The following MCUB variants were observed in gnomAD, a reference collection of about 807,000 sequenced individuals.
MCUB encodes calcium uniporter regulatory subunit MCUb, mitochondrial.
In MCUB, 46 loss-of-function variants were observed where a neutral mutation model predicts 41.4. That is an observed-to-expected ratio of 1.11 (90% CI 0.88 to 1.42). MCUB has a LOEUF of 1.42. Among genes scored for constraint, MCUB ranks in the 40% most tolerant of loss-of-function variants. The pLI is 0.00. For synonymous variants in MCUB, 148 were observed against 148.2 expected (o/e 1.00, Z 0.01); for missense variants, 403 against 404.9 (o/e 1.00, Z 0.04).
At chr4:109,670,626 G>C (rs1729432912) in intron 4 of MCUB, among the ~76,000 whole-genome samples, 1 of 151,724 alleles carries the variant, frequency 6.6e-6, no homozygotes, top group African/African-American at 2.4e-5. Flanking sequence ...TGAGGCAGGA[G>C]AATCGCTTGA....
intron 1 of MCUB, among the ~76,000 whole-genome samples, chr4:109,567,254 C>T (rs1370939156): frequency 6.6e-6 from 1 of 151,470 alleles, no homozygotes; most frequent in Admixed American, 6.6e-5. Context: ...GATGAATTTG[C>T]TTATTTTCAA....
chr4:109,662,101 G>T (rs1313044246), intron 3 of MCUB, among the ~76,000 whole-genome samples: 1 of 152,198 alleles, frequency 6.6e-6, no homozygotes. Context: ...TGAGAGGTGG[G>T]GAAGGGCAGA....
At chr4:109,666,872 C>G (rs146375029) in intron 4 of MCUB, among the ~76,000 whole-genome samples, 1 of 152,052 alleles carries the variant, frequency 6.6e-6, no homozygotes, top group South Asian at 2.1e-4. Context: ...CTTCCTTAGT[C>G]TGTTGATATG....
intron 1 of MCUB, among the ~76,000 whole-genome samples, chr4:109,654,943 T>C (rs1225426343): frequency 1.3e-5 from 2 of 152,064 alleles, no homozygotes; most frequent in Non-Finnish European, 2.9e-5. Context: ...GGAGTTAACA[T>C]CAGATCCCAC....
At position 109,681,710 on chromosome 4, in the gene MCUB, G is replaced by A. The variant is rs182171803; in HGVS notation, c.452-872G>A. Among the ~76,000 whole-genome samples, 4 of 152,368 alleles carry A rather than the reference G, an allele frequency of 2.6e-5. 1 individual carries two copies. Among genetic ancestry groups the A allele is most frequent in the Admixed American group, 2.6e-4 (4 of 15,314 alleles). ...TGGCAAGCCTTTAGCCCGATCTGGA[G>A]CGGCAAAGGGGTGCCTCGCTGGATC... On this transcript the variant is annotated intron_variant, in intron 4 of 7. Transcript: ENST00000394650.
intron 1 of MCUB, among the ~76,000 whole-genome samples, chr4:109,617,265 A>C (rs1261698257): frequency 6.6e-6 from 1 of 152,160 alleles, no homozygotes; most frequent in Non-Finnish European, 1.5e-5. Context: ...GGCACTCTTC[A>C]CATTTTGATA....
chr4:109,565,641 T>C (rs186685466), intron 1 of MCUB, among the ~76,000 whole-genome samples: 27 of 152,300 alleles, frequency 1.8e-4, no homozygotes, highest in African/African-American at 6.3e-4. Context: ...GATAATGCTG[T>C]TTCGTTCATT....
intron 4 of MCUB, among the ~76,000 whole-genome samples, chr4:109,668,029 A>G (rs1179664892): frequency 2.0e-5 from 3 of 151,530 alleles, no homozygotes; most frequent in Non-Finnish European, 2.9e-5. Flanking sequence ...CTTTTTTTAC[A>G]TTTACTCATG....
rs538783958 is a variant in MCUB at position 109,656,567 on chromosome 4, G to C, written c.100-2444G>C. 3.3e-5 allele frequency among the ~76,000 whole-genome samples: 5 copies of C among 151,196 alleles called. No homozygotes were observed. The South Asian group carries it at 1.0e-3, about 32-fold the overall frequency. On this transcript the variant is annotated intron_variant, in intron 1 of 7. Coordinates refer to ENST00000394650, the MANE Select transcript of MCUB (RefSeq NM_017918.5). Reference sequence around the variant, plus strand: ...TTTTCTGTAATTTTTGTAGAGACAGGGTTTCACCATGTTACCTGGGCTCAA... The same window carrying C: ...TTTTCTGTAATTTTTGTAGAGACAGCGTTTCACCATGTTACCTGGGCTCAA...
intron 1 of MCUB, among the ~76,000 whole-genome samples, chr4:109,600,746 A>G (rs1006330108): frequency 1.3e-5 from 2 of 152,150 alleles, no homozygotes; most frequent in African/African-American, 4.8e-5. Flanking sequence ...AGAGGCCTCC[A>G]GCTCTCTATG....
intron 1 of MCUB, among the ~76,000 whole-genome samples, chr4:109,641,027 A>G (rs1427806782): frequency 6.6e-6 from 1 of 152,166 alleles, no homozygotes; most frequent in African/African-American, 2.4e-5. Context: ...CCTAATATCA[A>G]TATTGTCCTT....
At chr4:109,597,824 C>G (rs1015731906) in intron 1 of MCUB, among the ~76,000 whole-genome samples, 4 of 151,648 alleles carry the variant, frequency 2.6e-5, no homozygotes, top group Admixed American at 6.5e-5. Context: ...CAGAGGGGCT[C>G]CTCACTTCTC....
At chr4:109,644,718 CT>C (rs1180355113) in intron 1 of MCUB, among the ~76,000 whole-genome samples, 1 of 152,166 alleles carries the variant, frequency 6.6e-6, no homozygotes, top group African/African-American at 2.4e-5. Context: ...AGTTTATTTT[CT>C]ACGCATTGTA....
intron 1 of MCUB, among the ~76,000 whole-genome samples, chr4:109,572,184 G>A (rs1035242656): frequency 6.6e-6 from 1 of 152,344 alleles, no homozygotes; most frequent in Non-Finnish European, 1.5e-5. Flanking sequence ...ATTATAAGCC[G>A]CCCTCCAGGC....
chr4:109,588,182 G>C (rs2126128051), intron 1 of MCUB, among the ~76,000 whole-genome samples: 1 of 152,320 alleles, frequency 6.6e-6, no homozygotes, highest in East Asian at 1.9e-4. Context: ...GGGCAAGGTA[G>C]GATTGTGGCT....
rs1218285935 is a variant in MCUB at position 109,684,544 on chromosome 4, C to G, written c.714C>G (p.Leu238=). 1.9e-6 allele frequency: 3 copies of G among 1,611,758 alleles called. No homozygotes were observed. The African/African-American group carries it at 4.0e-5, about 22-fold the overall frequency. Residue 238 remains leucine, a synonymous_variant, in exon 6 of 8, where the codon CTC becomes CTG. Coordinates refer to ENST00000394650, the MANE Select transcript of MCUB (RefSeq NM_017918.5). ...TTCAGGGTGGGGCACTGGCCTGGCT[C>G]ACGTGGTGGGTGTACTCCTGGGATA... ...LSIQGGALAW[L]TWWVYSWDIM... is the part of the protein sequence containing the mutation.
intron 1 of MCUB, among the ~76,000 whole-genome samples, chr4:109,649,988 C>T (rs2126142362): frequency 6.6e-6 from 1 of 152,228 alleles, no homozygotes; most frequent in East Asian, 1.9e-4. Flanking sequence ...AGCAGCCCGG[C>T]TAACTGGATT....
chr4:109,682,460 C>A, intron 4 of MCUB, 122 bp from the exon 5 acceptor site: 4 of 760,956 alleles, frequency 5.3e-6, no homozygotes, highest in South Asian at 1.8e-5. Flanking sequence ...TGTTTGTACA[C>A]CAGCTTCCTT....
intron 1 of MCUB, among the ~76,000 whole-genome samples, chr4:109,631,107 C>G (rs1390367571): frequency 6.6e-6 from 1 of 152,174 alleles, no homozygotes; most frequent in African/African-American, 2.4e-5. Flanking sequence ...CAGATGAGAT[C>G]AAGCTAGTAT....
Sources: gnomAD v4.1 joint callset for allele counts (sites outside exome capture counted in the v4.1 genomes callset) on GRCh38, gnomAD v4.1.1 for gene constraint, MANE v1.5 for transcripts, NCBI Gene and HGNC (gene_info 2026-07-23, HGNC 2026-07-21) for gene names.